The following GNAQ variants were observed in gnomAD, a reference collection of about 807,000 sequenced individuals.
The protein encoded by GNAQ is guanine nucleotide-binding protein G(q) subunit alpha.
In GNAQ, 8 loss-of-function variants were observed where a neutral mutation model predicts 43.9. The ratio of observed to expected loss-of-function variants is 0.18; its 90% confidence interval spans 0.11 to 0.33. GNAQ has a LOEUF of 0.33. Among genes scored for constraint, GNAQ ranks in the 10% least tolerant of loss-of-function variants. The probability of loss-of-function intolerance (pLI) is 1.00; values close to 1 mark genes in which losing one functional copy is unlikely to be tolerated. For missense variants in GNAQ, 158 were observed against 450.8 expected, an observed-to-expected ratio of 0.35 and a Z score of 5.88; for synonymous variants, 155 against 170.7, an observed-to-expected ratio of 0.91 and a Z score of 0.71.
intron 1 of GNAQ, among the ~76,000 whole-genome samples, chr9:78,022,620 A>G (rs1324061484): frequency 6.6e-6 from 1 of 152,244 alleles, no homozygotes; most frequent in African/African-American, 2.4e-5. Flanking sequence ...ATATCACAAG[A>G]GTTACAGAGA....
chr9:78,028,870 T>C (rs572564928), intron 1 of GNAQ, among the ~76,000 whole-genome samples: 1 of 151,994 alleles, frequency 6.6e-6, no homozygotes, highest in East Asian at 1.9e-4. Context: ...ACATTTAGCG[T>C]ATATTACTAC....
At chr9:77,752,231 A>G (rs1447666794) in intron 5 of GNAQ, among the ~76,000 whole-genome samples, 1 of 152,246 alleles carries the variant, frequency 6.6e-6, no homozygotes, top group Non-Finnish European at 1.5e-5. Context: ...CAGTTAATGT[A>G]CCTCGGTAAA....
chr9:77,847,179 G>C (rs1827600766), intron 2 of GNAQ, among the ~76,000 whole-genome samples: 1 of 152,174 alleles, frequency 6.6e-6, no homozygotes, highest in Non-Finnish European at 1.5e-5. Flanking sequence ...ATTATGTCTA[G>C]AAACATCTCT....
intron 1 of GNAQ, among the ~76,000 whole-genome samples, chr9:77,998,007 C>A (rs1823596532): frequency 6.6e-6 from 1 of 152,170 alleles, no homozygotes; most frequent in African/African-American, 2.4e-5. Context: ...CAGAATTAAT[C>A]CATCAACTGC....
intron 2 of GNAQ, among the ~76,000 whole-genome samples, chr9:77,866,188 A>G (rs1351491402): frequency 1.3e-5 from 2 of 152,174 alleles, no homozygotes; most frequent in Non-Finnish European, 2.9e-5. Flanking sequence ...AAAAAAAACA[A>G]AAATTTAGGC....
intron 2 of GNAQ, among the ~76,000 whole-genome samples, chr9:77,905,388 C>T (rs576286442): frequency 1.1e-3 from 172 of 152,318 alleles, no homozygotes; most frequent in Non-Finnish European, 2.0e-3. Context: ...GGATTAGAGT[C>T]TCTGGTGGCT....
intron 5 of GNAQ, among the ~76,000 whole-genome samples, chr9:77,767,331 T>A (rs1175897290): frequency 6.6e-6 from 1 of 152,018 alleles, no homozygotes; most frequent in Non-Finnish European, 1.5e-5. Flanking sequence ...CACCCCCTAA[T>A]TGTGAGAACC....
chr9:77,984,037 A>G (rs1423323787), intron 1 of GNAQ, among the ~76,000 whole-genome samples: 1 of 125,296 alleles, frequency 8.0e-6, no homozygotes, highest in African/African-American at 3.1e-5. Flanking sequence ...ATGCAAGTAG[A>G]ATTTTGGAGA....
chr9:78,031,076 G>C, intron 1 of GNAQ, 24 bp downstream of exon 1: 1 of 1,435,908 alleles, frequency 7.0e-7, no homozygotes, highest in South Asian at 1.4e-5. Context: ...GCAGAGGCCC[G>C]GCGGGGCCCC....
intron 1 of GNAQ, among the ~76,000 whole-genome samples, chr9:78,020,677 C>T (rs370614012): frequency 5.3e-5 from 8 of 152,166 alleles, no homozygotes; most frequent in Admixed American, 3.3e-4. Context: ...CTTTGCTCTT[C>T]TCTCCTTCTC....
intron 1 of GNAQ, among the ~76,000 whole-genome samples, chr9:78,028,242 A>G (rs1824006571): frequency 6.6e-6 from 1 of 152,212 alleles, no homozygotes; most frequent in Admixed American, 6.5e-5. Flanking sequence ...CAACAAGAAA[A>G]TAATTCAAAA....
At chr9:78,005,991 T>C (rs765132649) in intron 1 of GNAQ, among the ~76,000 whole-genome samples, 2 of 152,220 alleles carry the variant, frequency 1.3e-5, no homozygotes, top group Non-Finnish European at 2.9e-5. Flanking sequence ...CAACAACCAG[T>C]TGTGACAATA....
At chr9:77,896,552 CA>C (rs1828506236) in intron 2 of GNAQ, among the ~76,000 whole-genome samples, 1 of 152,172 alleles carries the variant, frequency 6.6e-6, no homozygotes, top group South Asian at 2.1e-4. Context: ...TCATGCCTAA[CA>C]AAAGAAAGAA....
chr9:77,994,288 C>T (rs974668703), intron 1 of GNAQ, among the ~76,000 whole-genome samples: 1 of 152,222 alleles, frequency 6.6e-6, no homozygotes, highest in African/African-American at 2.4e-5. Flanking sequence ...GATCCTTCCA[C>T]CTTGGCCTCC....
In GNAQ at chr9:77,876,478, C is replaced by G. The variant is rs145052121; in HGVS notation, c.321+45683G>C. On this transcript the variant is annotated intron_variant, in intron 2 of 6. Transcript: ENST00000286548. ...GAAATAGAGTAATGTACATAGAGCACTTGGCACTTTACCTGCTGGATAACA... is the reference window on the plus strand; with the variant it reads ...GAAATAGAGTAATGTACATAGAGCAGTTGGCACTTTACCTGCTGGATAACA... 1.9e-3 allele frequency among the ~76,000 whole-genome samples: 285 copies of G among 152,324 alleles called. 1 individual carries two copies. The Middle Eastern group carries it at 0.027, about 15-fold the overall frequency.
At chr9:77,941,907 TACAC>T (rs10560776) in intron 1 of GNAQ, among the ~76,000 whole-genome samples, 38,117 of 140,708 alleles carry the variant, frequency 0.27, 5,224 homozygotes, top group African/African-American at 0.37. Flanking sequence ...ACAACATACA[TACAC>T]ACACACACAC....
chr9:77,748,164 C>T (rs1274244845), intron 5 of GNAQ, among the ~76,000 whole-genome samples: 1 of 152,144 alleles, frequency 6.6e-6, no homozygotes, highest in African/African-American at 2.4e-5. Flanking sequence ...CAGTGAAAGA[C>T]ATAATAACGG....
intron 5 of GNAQ, among the ~76,000 whole-genome samples, chr9:77,785,748 TTAGA>T (rs1397038026): frequency 4.6e-5 from 7 of 152,126 alleles, no homozygotes; most frequent in African/African-American, 9.7e-5. Flanking sequence ...AATCATTCAA[TTAGA>T]TAGTTTGTTA....
At chr9:77,752,769 G>A (rs1421320225) in intron 5 of GNAQ, among the ~76,000 whole-genome samples, 1 of 152,114 alleles carries the variant, frequency 6.6e-6, no homozygotes, top group Non-Finnish European at 1.5e-5. Flanking sequence ...CTCCCCAAGT[G>A]ACTTTAAATT....
Sources: gnomAD v4.1 joint callset for allele counts (sites outside exome capture counted in the v4.1 genomes callset) on GRCh38, gnomAD v4.1.1 for gene constraint, MANE v1.5 for transcripts, NCBI Gene and HGNC (gene_info 2026-07-23, HGNC 2026-07-21) for gene names.